Variants in TNFRSF9 observed in about 807,000 individuals in gnomAD.
TNFRSF9 encodes the protein TNF receptor superfamily member 9, also known as tumor necrosis factor receptor superfamily member 9.
A neutral mutation model predicts 28.8 loss-of-function variants in TNFRSF9; 16 were observed. That is an observed-to-expected ratio of 0.55 (90% CI 0.38 to 0.84). The LOEUF is 0.84. TNFRSF9 is among the 40% of genes least tolerant of loss of function. The pLI, the probability that TNFRSF9 is intolerant of heterozygous loss-of-function variation, is 0.00. For synonymous variants in TNFRSF9, 131 were observed against 117.0 expected (o/e 1.12, Z -0.77); for missense variants, 303 against 315.0 (o/e 0.96, Z 0.29).
chr1:7,936,682 C>T (rs1326146470), intron 5 of TNFRSF9: 2 of 152,004 alleles, frequency 1.3e-5, no homozygotes, highest in African/African-American at 2.4e-5. Context: ...TTTTGAAATA[C>T]AATAAAAATG....
intron 6 of TNFRSF9, among the ~76,000 whole-genome samples, chr1:7,934,373 G>A (rs568807710): frequency 1.5e-4 from 20 of 133,762 alleles, no homozygotes; most frequent in Non-Finnish European, 2.6e-4. Context: ...AGGCACTCTC[G>A]GGGGAAAAAA....
At chr1:7,924,662 C>A (rs1174611699) in intron 7 of TNFRSF9, among the ~76,000 whole-genome samples, 1 of 151,856 alleles carries the variant, frequency 6.6e-6, no homozygotes, top group Non-Finnish European at 1.5e-5. Flanking sequence ...CAAACAAAAA[C>A]CAGTTAATTG....
In TNFRSF9 at chr1:7,935,147, A is replaced by G. The variant is rs1329460607; in HGVS notation, c.414-4T>C. On this transcript the variant is annotated splice_polypyrimidine_tract_variant and splice_region_variant and intron_variant, in intron 5 of 7. Coordinates refer to ENST00000377507, the MANE Select transcript of TNFRSF9 (RefSeq NM_001561.6). ...AGACTTTCCATCCAAAGAACAGCTT[A>G]GACAGTTCAATGAAAATAATTTAAA... 3 of 1,611,298 alleles carry G rather than the reference A, an allele frequency of 1.9e-6. No individual in the cohort carries two copies. The highest frequency in any genetic ancestry group is 1.1e-5 in the South Asian group (1 of 90,276).
In TNFRSF9 at chr1:7,920,713, G is replaced by C; in HGVS notation, c.*122C>G. 2 of 786,906 alleles carry C rather than the reference G, an allele frequency of 2.5e-6. No homozygotes were observed. The highest frequency in any genetic ancestry group is 4.3e-6 in the Non-Finnish European group (2 of 469,330). The allele number at this position is 786,906 out of a possible 1,614,324, so 48.7% of individuals were successfully genotyped here. A position where few individuals can be genotyped will look rare whatever the true frequency, so the allele number is the denominator to read the frequency against. On this transcript the variant is annotated 3_prime_UTR_variant, in exon 8 of 8. Transcript: ENST00000377507. ...CATTGGCATTTAGAAAAGAACGTGTGTTGGGGGAATCCTGGGTATTATGTA... is the reference window on the plus strand; with the variant it reads ...CATTGGCATTTAGAAAAGAACGTGTCTTGGGGGAATCCTGGGTATTATGTA...
chr1:7,933,102 C>T lies in TNFRSF9; in HGVS notation c.679+60G>A, dbSNP rs1639758257. On this transcript the variant is annotated intron_variant, in intron 7 of 7. Transcript: ENST00000377507. ...AGAATTTTTTTTAAAATCATATTTT[C>T]CTTTCTATTATAAAAAGCCTTGCCT... The T allele has an allele frequency of 3.3e-6, 5 of 1,530,242 alleles. No individual in the cohort carries two copies. In the South Asian group the frequency reaches 3.8e-5, roughly 12 times the overall value. 94.8% of individuals were successfully genotyped at this position (1,530,242 alleles called of 1,614,324 possible). A position where few individuals can be genotyped will look rare whatever the true frequency, so the allele number is the denominator to read the frequency against.
At chr1:7,940,137 T>A (rs1639881197) in intron 1 of TNFRSF9, 59 bp from the exon 2 acceptor site, 1 of 557,256 alleles carries the variant, frequency 1.8e-6, no homozygotes. Context: ...TTATCTATAT[T>A]GCAATCATTA....
In TNFRSF9 at chr1:7,940,147, A is replaced by G. The variant is rs80279217; in HGVS notation, c.-84-69T>C. 338 of 519,762 alleles carry G rather than the reference A, an allele frequency of 6.5e-4. 4 individuals are homozygous for G. The East Asian group carries it at 7.2e-3, about 11-fold the overall frequency. 32.2% of individuals were successfully genotyped at this position (519,762 alleles called of 1,614,324 possible). A position where few individuals can be genotyped will look rare whatever the true frequency, so the allele number is the denominator to read the frequency against. ...CAAAATTATCTATATTGCAATCATT[A>G]CTTATACAATTCTATAAGAGGATAA... On this transcript the variant is annotated intron_variant, in intron 1 of 7. Coordinates refer to ENST00000377507, the MANE Select transcript of TNFRSF9 (RefSeq NM_001561.6).
rs948747725 is a variant in TNFRSF9, at chr1:7,924,576, G to A, written c.680-3653C>T. Among the ~76,000 whole-genome samples the A allele has an allele frequency of 3.3e-5, 5 of 152,006 alleles. No homozygotes were observed. In the South Asian group the frequency reaches 8.3e-4, roughly 25 times the overall value. Reference sequence around the variant, plus strand: ...CGGGAGGCAGAGGTTGCAGGGAGCCGAGACCGCCCCATTGCACTCCAGCCT... The same window carrying A: ...CGGGAGGCAGAGGTTGCAGGGAGCCAAGACCGCCCCATTGCACTCCAGCCT... On this transcript the variant is annotated intron_variant, in intron 7 of 7. Transcript: ENST00000377507.
rs1639529933 is a variant in TNFRSF9, at chr1:7,919,748, C to T, written c.*1087G>A. 6.6e-6 allele frequency: 1 copy of T among 152,314 alleles called. No individual in the cohort carries two copies. Among genetic ancestry groups the T allele is most frequent in the Admixed American group, 6.5e-5 (1 of 15,276 alleles). 9.4% of individuals were successfully genotyped at this position (152,314 alleles called of 1,614,324 possible). On this transcript the variant is annotated 3_prime_UTR_variant, in exon 8 of 8. Transcript: ENST00000377507. ...AACAGACAAACAAAGGCAAATGGTG[C>T]ACCAGGTTTGGCCATGGGAGTTTGG... is the stretch of plus-strand genomic sequence containing the variant.
intron 2 of TNFRSF9, 39 bp from the exon 3 acceptor site, chr1:7,938,867 G>A (rs751961905): frequency 4.2e-6 from 6 of 1,435,574 alleles, no homozygotes; most frequent in Non-Finnish European, 4.9e-6. Flanking sequence ...GTTTGACAAT[G>A]GGCAATCGTC....
At position 7,915,986 on chromosome 1, in the gene TNFRSF9, C is replaced by T. The variant is rs565799799; in HGVS notation, c.*4849G>A. 6.6e-6 allele frequency: 1 copy of T among 152,180 alleles called. No individual in the cohort carries two copies. Among genetic ancestry groups the T allele is most frequent in the South Asian group, 2.1e-4 (1 of 4,822 alleles). The allele number at this position is 152,180 out of a possible 1,614,324, so 9.4% of individuals were successfully genotyped here. ...TCTCCAAGTCCTACCACACACAGGG[C>T]ACATGTAACCTGCCCTAGCTGCGGT... is the stretch of plus-strand genomic sequence containing the variant. On this transcript the variant is annotated 3_prime_UTR_variant, in exon 8 of 8. Transcript: ENST00000377507.
At position 7,937,783 on chromosome 1, in the gene TNFRSF9, A is replaced by T. The variant is rs950250354; in HGVS notation, c.347-27T>A. ...TTGTATTAAAAATGAAAGCAATAAT[A>T]AAAGGGAAGCATTTTCATCATTTTG... On this transcript the variant is annotated intron_variant, in intron 4 of 7. Coordinates refer to ENST00000377507, the MANE Select transcript of TNFRSF9 (RefSeq NM_001561.6). The T allele has an allele frequency of 8.2e-6, 13 of 1,583,242 alleles. No individual in the cohort carries two copies. In the African/African-American group the frequency reaches 1.7e-4, roughly 21 times the overall value.
At chr1:7,926,008 C>A (rs1423878342) in intron 7 of TNFRSF9, among the ~76,000 whole-genome samples, 1 of 152,138 alleles carries the variant, frequency 6.6e-6, no homozygotes, top group Non-Finnish European at 1.5e-5. Flanking sequence ...TCAAGGGATT[C>A]TCCCACCTCA....
intron 3 of TNFRSF9, 129 bp downstream of exon 3, chr1:7,938,592 C>T: frequency 1.2e-6 from 1 of 856,056 alleles, no homozygotes; most frequent in Non-Finnish European, 1.8e-6. Context: ...TTGTCCTAGA[C>T]CTGCTGGTTG....
chr1:7,937,470 G>T (rs548389539), intron 5 of TNFRSF9, among the ~76,000 whole-genome samples: 3 of 152,150 alleles, frequency 2.0e-5, no homozygotes, highest in African/African-American at 7.2e-5. Context: ...GCCTCCACTG[G>T]CAATTCTGAT....
At position 7,939,691 on chromosome 1, in the gene TNFRSF9, C is replaced by T. The variant is rs1639873835; in HGVS notation, c.100+204G>A. 2.0e-5 allele frequency among the ~76,000 whole-genome samples: 3 copies of T among 152,194 alleles called. No homozygotes were observed. In the South Asian group the frequency reaches 6.2e-4, roughly 31 times the overall value. On this transcript the variant is annotated intron_variant, in intron 2 of 7. Transcript: ENST00000377507. ...TATAAAACAGGTTCTCTTATTATCC[C>T]CAGATGAGAAAGTCAAGGCACAAGA...
At position 7,939,935 on chromosome 1, in the gene TNFRSF9, C is replaced by A. The variant is rs148154405; in HGVS notation, c.60G>T (p.Arg20Ser). ...ATLLLVLNFE[R>S]TRSLQDPCSN... ...TACAAGGATCCTGCAATGATCTTGT[C>A]CTCTCAAAGTTGAGGACCAGCAACA... The change falls in exon 2 of 8, where the codon AGG becomes AGT. Residue 20 changes from arginine to serine, a missense_variant. Physicochemically the swap from Arg to Ser is moderately radical, Grantham distance 110. Coordinates refer to ENST00000377507, the MANE Select transcript of TNFRSF9 (RefSeq NM_001561.6). 2.5e-6 allele frequency: 4 copies of A among 1,606,448 alleles called. No homozygotes were observed. The East Asian group carries it at 6.7e-5, about 27-fold the overall frequency.
At position 7,940,037 on chromosome 1, in the gene TNFRSF9, A is replaced by G; in HGVS notation, c.-43T>C. On this transcript the variant is annotated 5_prime_UTR_variant, in exon 2 of 8. Coordinates refer to ENST00000377507, the MANE Select transcript of TNFRSF9 (RefSeq NM_001561.6). ...GTATGATACTAGCAAAGCTGATTCC[A>G]AGAGAATTTTAATCAAATTAGCTGG... 2 of 1,411,956 alleles carry G rather than the reference A, an allele frequency of 1.4e-6. No individual in the cohort carries two copies. Among genetic ancestry groups the G allele is most frequent in the East Asian group, 2.3e-5 (1 of 43,074 alleles). The allele number at this position is 1,411,956 out of a possible 1,614,324, so 87.5% of individuals were successfully genotyped here. A position where few individuals can be genotyped will look rare whatever the true frequency, so the allele number is the denominator to read the frequency against.
rs9657983 is a variant in TNFRSF9, at chr1:7,933,841, A to T, written c.545-545T>A. 9.6e-3 allele frequency among the ~76,000 whole-genome samples: 1,463 copies of T among 151,940 alleles called. 11 individuals are homozygous for T. The highest frequency in any genetic ancestry group is 0.017 in the Non-Finnish European group (1,131 of 67,946). ...AAACCAGCCTGGCCAACATGGAGAA[A>T]CTCCATCTCTACTAAAAATACAAAA... On this transcript the variant is annotated intron_variant, in intron 6 of 7. Transcript: ENST00000377507.
Sources: allele counts gnomAD v4.1 joint callset (sites outside exome capture counted in the v4.1 genomes callset), GRCh38; gene constraint gnomAD v4.1.1; transcripts MANE v1.5; gene names NCBI Gene and HGNC (gene_info 2026-07-23, HGNC 2026-07-21).